CCSER1: variants seen among roughly 807,000 people sequenced by gnomAD.
CCSER1 encodes the protein serine-rich coiled-coil domain-containing protein 1.
A neutral mutation model predicts 82.0 loss-of-function variants in CCSER1; 41 were observed. The ratio of observed to expected loss-of-function variants is 0.50; its 90% CI spans 0.39 to 0.65. CCSER1 has a LOEUF of 0.65. Among genes scored for constraint, CCSER1 ranks in the 30% least tolerant of loss-of-function variants. The probability of loss-of-function intolerance (pLI) is 0.00; values close to 1 mark genes in which losing one functional copy is unlikely to be tolerated. For missense variants in CCSER1, 1,119 were observed against 1,064.2 expected (o/e 1.05, Z -0.72); for synonymous variants, 414 against 383.9 (o/e 1.08, Z -0.92).
chr4:91,225,352 GTAT>G (rs1183585070), intron 10 of CCSER1, among the ~76,000 whole-genome samples: 3 of 68,374 alleles, frequency 4.4e-5, no homozygotes, highest in African/African-American at 1.4e-4. Context: ...TAATATATAT[GTAT>G]ATATATTATA....
chr4:91,039,785 TAC>T (rs149742434), intron 9 of CCSER1, among the ~76,000 whole-genome samples: 283 of 151,666 alleles, frequency 1.9e-3, no homozygotes, highest in African/African-American at 6.6e-3. Flanking sequence ...GTGATATATA[TAC>T]ACACACACAC....
chr4:91,066,361 A>G (rs956532444), intron 9 of CCSER1, among the ~76,000 whole-genome samples: 4 of 152,174 alleles, frequency 2.6e-5, no homozygotes, highest in African/African-American at 9.7e-5. Flanking sequence ...ACAGAGGAGA[A>G]ATGAAGCACA....
chr4:90,220,291 G>C (rs1741885262), intron 1 of CCSER1, among the ~76,000 whole-genome samples: 1 of 152,096 alleles, frequency 6.6e-6, no homozygotes. Flanking sequence ...ATCCTCTGTA[G>C]ATAAGGGGCA....
rs916055071 is a variant in CCSER1 at position 90,168,619 on chromosome 4, G to T, written c.-42+40788G>T. Among the ~76,000 whole-genome samples, 100 of 152,092 alleles carry T rather than the reference G, an allele frequency of 6.6e-4. 1 individual carries two copies. The highest frequency in any genetic ancestry group is 2.2e-3 in the African/African-American group (90 of 41,510). On this transcript the variant is annotated intron_variant, in intron 1 of 10. Coordinates refer to ENST00000509176, the MANE Select transcript of CCSER1 (RefSeq NM_001145065.2). Reference sequence around the variant, plus strand: ...TTTTTATGGTTTTAGGTCTAACATTGAAGTCTTTAATCCACCTTGACTTAA... The same window carrying T: ...TTTTTATGGTTTTAGGTCTAACATTTAAGTCTTTAATCCACCTTGACTTAA...
intron 5 of CCSER1, among the ~76,000 whole-genome samples, chr4:90,585,185 T>G (rs10008583): frequency 0.042 from 6,431 of 152,264 alleles, 343 homozygotes; most frequent in African/African-American, 0.12. Flanking sequence ...AATATTACTA[T>G]GAAGCCATTA....
At chr4:90,657,511 A>G (rs1304083892) in intron 6 of CCSER1, among the ~76,000 whole-genome samples, 8 of 152,250 alleles carry the variant, frequency 5.3e-5, no homozygotes, top group Admixed American at 2.0e-4. Flanking sequence ...CCAATTGCAT[A>G]TATTTTGATG....
chr4:90,563,288 T>G, intron 5 of CCSER1, among the ~76,000 whole-genome samples: 1 of 152,032 alleles, frequency 6.6e-6, no homozygotes. Context: ...ATTTTTGTAT[T>G]TTTAATAGAG....
chr4:90,159,380 G>T (rs1728994160), intron 1 of CCSER1, among the ~76,000 whole-genome samples: 1 of 152,106 alleles, frequency 6.6e-6, no homozygotes. Context: ...TATTGCAGTT[G>T]AATCATGATT....
At chr4:90,366,469 T>G (rs1274696469) in intron 3 of CCSER1, among the ~76,000 whole-genome samples, 1 of 151,850 alleles carries the variant, frequency 6.6e-6, no homozygotes, top group Non-Finnish European at 1.5e-5. Context: ...AGTTAATATA[T>G]CCATCACCTC....
chr4:90,576,782 G>A (rs77829691), intron 5 of CCSER1, among the ~76,000 whole-genome samples: 2 of 152,050 alleles, frequency 1.3e-5, no homozygotes, highest in East Asian at 3.9e-4. Flanking sequence ...GAATTAGGTT[G>A]CTTTGTTGCT....
chr4:91,154,147 G>A (rs1730554527), intron 10 of CCSER1, among the ~76,000 whole-genome samples: 1 of 151,992 alleles, frequency 6.6e-6, no homozygotes, highest in African/African-American at 2.4e-5. Context: ...TTGAGCTGTG[G>A]TGGGCTCCAC....
chr4:90,685,708 A>G (rs1229080813), intron 6 of CCSER1, among the ~76,000 whole-genome samples: 1 of 152,178 alleles, frequency 6.6e-6, no homozygotes, highest in African/African-American at 2.4e-5. Context: ...AACTTTTGGT[A>G]ATTGGAAAAC....
At chr4:91,167,933 C>G (rs528249108) in intron 10 of CCSER1, among the ~76,000 whole-genome samples, 14 of 150,154 alleles carry the variant, frequency 9.3e-5, no homozygotes, top group Non-Finnish European at 1.6e-4. Flanking sequence ...AAGTCGGGAG[C>G]ACCTCTGCCC....
At chr4:91,164,916 C>T (rs925845499) in intron 10 of CCSER1, among the ~76,000 whole-genome samples, 1 of 152,244 alleles carries the variant, frequency 6.6e-6, no homozygotes, top group Non-Finnish European at 1.5e-5. Flanking sequence ...TACCGACCTT[C>T]TGAAGTCTAC....
chr4:91,518,950 C>A (rs1760297285), intron 10 of CCSER1, among the ~76,000 whole-genome samples: 1 of 152,196 alleles, frequency 6.6e-6, no homozygotes, highest in Admixed American at 6.5e-5. Flanking sequence ...GCAGTGGCTG[C>A]AGTGTGTGGG....
intron 10 of CCSER1, among the ~76,000 whole-genome samples, chr4:91,493,448 GA>G (rs70937005): frequency 0.68 from 102,269 of 151,260 alleles, 35,561 homozygotes; most frequent in Non-Finnish European, 0.78. Context: ...TGTTTATTAT[GA>G]AAAAAAATAT....
chr4:91,285,298 G>T (rs1743200201), intron 10 of CCSER1, among the ~76,000 whole-genome samples: 1 of 142,228 alleles, frequency 7.0e-6, no homozygotes. Flanking sequence ...AAAAGTCCTT[G>T]TGCTATATGT....
intron 9 of CCSER1, among the ~76,000 whole-genome samples, chr4:91,042,550 A>C (rs1561495147): frequency 6.6e-6 from 1 of 152,196 alleles, no homozygotes; most frequent in Non-Finnish European, 1.5e-5. Context: ...TACATTAATG[A>C]AGGTATACAG....
Position 90,143,607 on chromosome 4 carries a change from ACTTTT to A in CCSER1, c.-42+15782_-42+15786del, listed in dbSNP as rs1448614668. ...AATGAATGGATTATTGAATAAATTAACTTTTCTTTTTTCTTTTTTAACAACTAAGT... is the reference window on the plus strand; with the variant it reads ...AATGAATGGATTATTGAATAAATTAACTTTTTTCTTTTTTAACAACTAAGT... On this transcript the variant is annotated intron_variant, in intron 1 of 10. Transcript: ENST00000509176. 2.0e-5 allele frequency among the ~76,000 whole-genome samples: 3 copies of A among 151,812 alleles called. No individual in the cohort carries two copies. In the East Asian group the frequency reaches 5.8e-4, roughly 29 times the overall value.
Sources: gnomAD v4.1 joint callset for allele counts (sites outside exome capture counted in the v4.1 genomes callset) on GRCh38, gnomAD v4.1.1 for gene constraint, MANE v1.5 for transcripts, NCBI Gene and HGNC (gene_info 2026-07-23, HGNC 2026-07-21) for gene names.